The following OR10J1 variants were observed in gnomAD, a reference collection of about 807,000 sequenced individuals.
OR10J1 encodes the protein olfactory receptor 10J1.
For missense variants in OR10J1, 474 were observed against 376.6 expected (o/e 1.26, Z -2.14); for synonymous variants, 202 against 143.8 (o/e 1.40, Z -2.89).
At chr1:159,408,994 A>G in the OR10J1 span, among the ~76,000 whole-genome samples, 15 of 152,050 alleles carry the variant, frequency 9.9e-5, no homozygotes, top group African/African-American at 3.6e-4. Context: ...ATTGAAAAGC[A>G]CCATGGTGTG....
upstream of OR10J1, among the ~76,000 whole-genome samples, chr1:159,436,939 C>T (rs1230237085): frequency 6.6e-6 from 1 of 152,176 alleles, no homozygotes; most frequent in Non-Finnish European, 1.5e-5. Context: ...ACCCTGAGCT[C>T]CTGGAGGGTT....
chr1:159,437,042 T>A (rs1275169590), upstream of OR10J1, among the ~76,000 whole-genome samples: 3 of 152,084 alleles, frequency 2.0e-5, no homozygotes, highest in Non-Finnish European at 4.4e-5. Context: ...TGCAGATAAA[T>A]AAATATCACA....
At chr1:159,405,815 G>C in the OR10J1 span, 1 of 1,279,116 alleles carries the variant, frequency 7.8e-7, no homozygotes. Context: ...GTGCAGGCCA[G>C]CTTCAGCAGG....
the OR10J1 span, chr1:159,432,658 T>C: frequency 2.3e-5 from 10 of 431,378 alleles, no homozygotes; most frequent in Admixed American, 7.6e-5. Context: ...TCCTGGAACA[T>C]TGGCCTGAGC....
chr1:159,415,525 T>C, the OR10J1 span, among the ~76,000 whole-genome samples: 6 of 152,120 alleles, frequency 3.9e-5, no homozygotes, highest in African/African-American at 1.4e-4. Context: ...CTTTGTTGTT[T>C]GTGCTCAAGA....
At chr1:159,437,273 C>T (rs1464963814), upstream of OR10J1, among the ~76,000 whole-genome samples, 1 of 152,030 alleles carries the variant, frequency 6.6e-6, no homozygotes. Context: ...TCCTGAATGC[C>T]ACAGGGCAAG....
At chr1:159,407,671 T>C in the OR10J1 span, among the ~76,000 whole-genome samples, 1 of 152,156 alleles carries the variant, frequency 6.6e-6, no homozygotes, top group Non-Finnish European at 1.5e-5. Flanking sequence ...GGTTATGTAG[T>C]TAATTCTTAT....
chr1:159,439,610 G>A (rs1655844080), upstream of OR10J1: 13 of 713,026 alleles, frequency 1.8e-5, no homozygotes. Flanking sequence ...TGGTCACAGA[G>A]TAAAAATATT....
chr1:159,412,260 G>A, the OR10J1 span, among the ~76,000 whole-genome samples: 2 of 151,738 alleles, frequency 1.3e-5, no homozygotes, highest in African/African-American at 4.8e-5. Context: ...AGGCCATACT[G>A]CCCAAGGTAA....
the OR10J1 span, among the ~76,000 whole-genome samples, chr1:159,431,099 C>T: frequency 8.7e-3 from 1,328 of 152,270 alleles, 16 homozygotes; most frequent in African/African-American, 0.03. Flanking sequence ...ACCCTCCACA[C>T]GGAACGGGGA....
chr1:159,398,099 C>A, the OR10J1 span, among the ~76,000 whole-genome samples: 1 of 152,202 alleles, frequency 6.6e-6, no homozygotes, highest in Non-Finnish European at 1.5e-5. Flanking sequence ...GAATAAGAAT[C>A]TCTGCCTGGT....
the OR10J1 span, among the ~76,000 whole-genome samples, chr1:159,410,949 G>C: frequency 4.0e-5 from 6 of 151,790 alleles, no homozygotes; most frequent in East Asian, 3.9e-4. Flanking sequence ...CCTTCATTTC[G>C]TTATGTACCC....
At chr1:159,426,362 G>A in the OR10J1 span, among the ~76,000 whole-genome samples, 1 of 151,832 alleles carries the variant, frequency 6.6e-6, no homozygotes, top group South Asian at 2.1e-4. Context: ...TGGTATTCGA[G>A]CAGATGAAAA....
At position 159,440,041 on chromosome 1, in the gene OR10J1, A is replaced by G; in HGVS notation, c.250A>G (p.Ser84Gly). 1.9e-6 allele frequency: 3 copies of G among 1,614,148 alleles called. No individual in the cohort carries two copies. The highest frequency in any genetic ancestry group is 2.5e-6 in the Non-Finnish European group (3 of 1,180,034). The change falls in exon 1 of 1, where the codon AGC (serine) becomes GGC (glycine). Residue 84 changes from serine (S) to glycine (G), a missense_variant. By Grantham distance (56) the Ser-to-Gly change is moderately conservative. Transcript: ENST00000423932. ...TLVILPRMLS[S>G]LVGMSQPISL... ...GGTCATTCTCCCAAGAATGCTCTCC[A>G]GCCTCGTAGGTATGAGCCAGCCCAT...
chr1:159,428,924 A>G, the OR10J1 span, among the ~76,000 whole-genome samples: 1 of 152,230 alleles, frequency 6.6e-6, no homozygotes, highest in African/African-American at 2.4e-5. Flanking sequence ...TAAGAGAAAG[A>G]TACAAACTGG....
the OR10J1 span, among the ~76,000 whole-genome samples, chr1:159,404,671 G>T: frequency 3.3e-5 from 5 of 152,060 alleles, no homozygotes; most frequent in Non-Finnish European, 5.9e-5. Flanking sequence ...TTCTCAAGAG[G>T]TGTCGGCTTC....
At chr1:159,424,072 C>T in the OR10J1 span, among the ~76,000 whole-genome samples, 4 of 151,690 alleles carry the variant, frequency 2.6e-5, no homozygotes, top group East Asian at 1.9e-4. Flanking sequence ...AAAAATTAGC[C>T]GGGTGAGGTG....
At chr1:159,404,631 G>C in the OR10J1 span, among the ~76,000 whole-genome samples, 1 of 152,192 alleles carries the variant, frequency 6.6e-6, no homozygotes, top group East Asian at 1.9e-4. Context: ...TGACAGCCTT[G>C]CCTGTACTAT....
the OR10J1 span, among the ~76,000 whole-genome samples, chr1:159,416,339 T>G: frequency 6.6e-6 from 1 of 152,082 alleles, no homozygotes; most frequent in African/African-American, 2.4e-5. Flanking sequence ...GCCTATATTA[T>G]GCTCAGGTAT....
Sources: gnomAD v4.1 joint callset for allele counts (sites outside exome capture counted in the v4.1 genomes callset) on GRCh38, gnomAD v4.1.1 for gene constraint, MANE v1.5 for transcripts, NCBI Gene and HGNC (gene_info 2026-07-23, HGNC 2026-07-21) for gene names.